Variants in SNRPN observed in about 807,000 individuals in gnomAD.
The protein encoded by SNRPN is small nuclear ribonucleoprotein polypeptide N, also known as small nuclear ribonucleoprotein-associated protein N.
Under a neutral mutation model 25.2 loss-of-function variants are expected in SNRPN, and 7 were observed. The ratio of observed to expected loss-of-function variants is 0.28; its 90% confidence interval spans 0.16 to 0.52. The LOEUF is 0.52. Ranked by LOEUF, SNRPN falls within the 20% of genes least tolerant of loss-of-function variation. The pLI, the probability that SNRPN is intolerant of heterozygous loss-of-function variation, is 0.96. For synonymous variants in SNRPN, 124 were observed against 110.6 expected (o/e 1.12, Z -0.76); for missense variants, 196 against 322.5 (o/e 0.61, Z 3.00).
chr15:24,927,769 A>G (rs1183979306), intron 3 of SNRPN, among the ~76,000 whole-genome samples: 1 of 152,042 alleles, frequency 6.6e-6, no homozygotes, highest in African/African-American at 2.4e-5. Context: ...ATAATGTTTA[A>G]TATCTTTCCT....
chr15:24,961,317 G>A (rs906412437), intron 1 of SNRPN, among the ~76,000 whole-genome samples: 3 of 152,090 alleles, frequency 2.0e-5, no homozygotes, highest in African/African-American at 7.2e-5. Context: ...AAAACATCTA[G>A]GGTTCAGAGA....
At chr15:24,842,167 C>T (rs955284378) in intron 2 of SNRPN, among the ~76,000 whole-genome samples, 16 of 152,018 alleles carry the variant, frequency 1.1e-4, no homozygotes, top group Admixed American at 9.2e-4. Flanking sequence ...TTTCTCTGAC[C>T]GAACCTTACC....
At chr15:24,860,201 C>G (rs1272628349) in intron 1 of SNRPN, among the ~76,000 whole-genome samples, 1 of 152,132 alleles carries the variant, frequency 6.6e-6, no homozygotes, top group Admixed American at 6.6e-5. Flanking sequence ...ATGTCAAGGG[C>G]AGACCTTAAT....
upstream of SNRPN, chr15:24,851,877 A>T (rs2145804316): frequency 6.6e-6 from 1 of 151,748 alleles, no homozygotes; most frequent in East Asian, 1.9e-4. Context: ...CATCACTGAG[A>T]CTCGCCCCAT....
At chr15:24,850,903 TGAG>T (rs992267515) in intron 2 of SNRPN, 3 of 151,968 alleles carry the variant, frequency 2.0e-5, no homozygotes, top group Admixed American at 6.6e-5. Flanking sequence ...ACCATATCTG[TGAG>T]GAGTTTTTAT....
At chr15:24,966,466 T>C (rs2855523) in intron 2 of SNRPN, among the ~76,000 whole-genome samples, 48,414 of 151,914 alleles carry the variant, frequency 0.32, 8,119 homozygotes, top group East Asian at 0.51. Flanking sequence ...TTGACAAGAT[T>C]GAATCACTGG....
intron 2 of SNRPN, among the ~76,000 whole-genome samples, chr15:24,963,090 G>C (rs186203408): frequency 2.6e-5 from 4 of 152,254 alleles, no homozygotes; most frequent in Admixed American, 2.6e-4. Context: ...AGTGGGGAGA[G>C]AGGAAGGGAG....
intron 2 of SNRPN, among the ~76,000 whole-genome samples, chr15:24,908,075 A>C (rs902641408): frequency 6.9e-6 from 1 of 145,814 alleles, no homozygotes; most frequent in East Asian, 2.0e-4. Flanking sequence ...AAAAAAAAAA[A>C]AAAGAATAAG....
chr15:24,950,338 G>A (rs997189027), upstream of SNRPN, among the ~76,000 whole-genome samples: 4 of 151,540 alleles, frequency 2.6e-5, no homozygotes, highest in Admixed American at 6.6e-5. Flanking sequence ...CCTCACACCC[G>A]GCTAATTTTT....
intron 2 of SNRPN, among the ~76,000 whole-genome samples, chr15:24,962,486 C>T (rs445368): frequency 0.13 from 19,905 of 152,084 alleles, 2,521 homozygotes; most frequent in African/African-American, 0.33. Context: ...CATAAGCATA[C>T]TTAAATTTTT....
chr15:24,835,186 G>T (rs1412300976), intron 2 of SNRPN, among the ~76,000 whole-genome samples: 1 of 143,312 alleles, frequency 7.0e-6, no homozygotes, highest in East Asian at 2.0e-4. Context: ...TAAGTTATTT[G>T]TATTCAAAGC....
chr15:24,918,550 GTATATATAACATAATATATATGTATA>G (rs2059726434), intron 2 of SNRPN, among the ~76,000 whole-genome samples: 1 of 105,410 alleles, frequency 9.5e-6, no homozygotes, highest in East Asian at 2.6e-4. Flanking sequence ...ATATATGTGT[GTATATATAACATAATATATATGTATA>G]TATATAACAT....
intron 2 of SNRPN, among the ~76,000 whole-genome samples, chr15:24,847,724 C>T (rs1047905867): frequency 9.9e-5 from 15 of 152,160 alleles, no homozygotes; most frequent in African/African-American, 3.4e-4. Flanking sequence ...GAGTCCTGGC[C>T]CATGCCCACT....
At chr15:24,973,987 A>AT (rs1370841493) in intron 3 of SNRPN, among the ~76,000 whole-genome samples, 7 of 152,192 alleles carry the variant, frequency 4.6e-5, no homozygotes, top group African/African-American at 1.4e-4. Context: ...CTTCATATTA[A>AT]TTCTGAACTA....
chr15:24,839,451 G>C (rs1031533258), intron 2 of SNRPN, among the ~76,000 whole-genome samples: 1 of 152,060 alleles, frequency 6.6e-6, no homozygotes, highest in African/African-American at 2.4e-5. Flanking sequence ...GTAGCAAGCT[G>C]TTTTGATAGT....
At chr15:24,937,762 C>T (rs1263730443) in intron 3 of SNRPN, among the ~76,000 whole-genome samples, 1 of 152,084 alleles carries the variant, frequency 6.6e-6, no homozygotes, top group Non-Finnish European at 1.5e-5. Context: ...AATAATAACT[C>T]CGTTTCCTCC....
chr15:24,834,749 C>CTA (rs1416978769), intron 2 of SNRPN, among the ~76,000 whole-genome samples: 7 of 63,062 alleles, frequency 1.1e-4, no homozygotes, highest in South Asian at 9.0e-4. Flanking sequence ...CTCTCTCTCT[C>CTA]TCTATATATA....
At chr15:24,892,708 G>C (rs1022200359) in intron 2 of SNRPN, among the ~76,000 whole-genome samples, 16 of 151,024 alleles carry the variant, frequency 1.1e-4, no homozygotes, top group African/African-American at 3.9e-4. Flanking sequence ...CTGTACTTCA[G>C]TCTGGGTGGC....
chr15:24,906,277 C>A (rs2058798634), intron 2 of SNRPN, among the ~76,000 whole-genome samples: 1 of 152,132 alleles, frequency 6.6e-6, no homozygotes, highest in African/African-American at 2.4e-5. Flanking sequence ...AGGTGGGTGC[C>A]ACTGCACCTG....
Sources: gnomAD v4.1 joint callset for allele counts (sites outside exome capture counted in the v4.1 genomes callset) on GRCh38, gnomAD v4.1.1 for gene constraint, MANE v1.5 for transcripts, NCBI Gene and HGNC (gene_info 2026-07-23, HGNC 2026-07-21) for gene names.